Variants in MLPH observed in about 807,000 individuals in gnomAD.
MLPH encodes exophilin-3.
MLPH carries 51 observed loss-of-function variants against 72.1 expected under a neutral mutation model. The observed-to-expected ratio is 0.71, with a 90% CI of 0.56 to 0.89. MLPH has a LOEUF of 0.89. Ranked by LOEUF, MLPH falls within the 40% of genes least tolerant of loss-of-function variation. The probability of loss-of-function intolerance (pLI) is 0.00; values close to 1 mark genes in which losing one functional copy is unlikely to be tolerated. For synonymous variants in MLPH, 301 were observed against 310.1 expected (o/e 0.97, Z 0.31); for missense variants, 743 against 759.9 (o/e 0.98, Z 0.26).
intron 2 of MLPH, among the ~76,000 whole-genome samples, chr2:237,496,361 G>A (rs2079535811): frequency 6.6e-6 from 1 of 152,160 alleles, no homozygotes. Flanking sequence ...CTCCAGTCCA[G>A]GCTTATCTGA....
rs1036372508 is a variant in MLPH, at chr2:237,512,726, G to A, written c.445+1625G>A. ...CCCTAACAGGCTTAAGGATAGAAACGACACATAACACCGGGAAAAGCCATG... is the reference window on the plus strand; with the variant it reads ...CCCTAACAGGCTTAAGGATAGAAACAACACATAACACCGGGAAAAGCCATG... On this transcript the variant is annotated intron_variant, in intron 4 of 15. Transcript: ENST00000264605. The surrounding 1 kb of genome is among the most constrained non-coding windows in gnomAD (Gnocchi z 5.5). Among the ~76,000 whole-genome samples, 3 of 152,060 alleles carry A rather than the reference G, an allele frequency of 2.0e-5. No homozygotes were observed. The highest frequency in any genetic ancestry group is 7.3e-5 in the African/African-American group (3 of 41,378).
At chr2:237,490,605 A>C (rs2079410285) in intron 1 of MLPH, among the ~76,000 whole-genome samples, 1 of 152,228 alleles carries the variant, frequency 6.6e-6, no homozygotes, top group South Asian at 2.1e-4. Flanking sequence ...GGGAATGATA[A>C]TGCCTCAGCT....
chr2:237,525,899 C>T (rs751683897), intron 7 of MLPH, 94 bp downstream of exon 7: 24 of 1,247,476 alleles, frequency 1.9e-5, no homozygotes, highest in East Asian at 4.9e-5. Context: ...ATCCAACACA[C>T]GGGCTGATTT....
Position 237,527,530 on chromosome 2 carries a change from G to GAT in MLPH, c.1020+15_1020+16insTA, listed in dbSNP as rs2080331256. ...TCTGAGAGTCAGGTAACGGTGGCTG[G>GAT]AAAGACTTCTGTCTTGTCGTTTCTT... On this transcript the variant is annotated intron_variant, in intron 8 of 15. Coordinates refer to ENST00000264605, the MANE Select transcript of MLPH (RefSeq NM_024101.7). 5 of 1,613,974 alleles carry GAT rather than the reference G, an allele frequency of 3.1e-6. No individual in the cohort carries two copies. The highest frequency in any genetic ancestry group is 4.2e-6 in the Non-Finnish European group (5 of 1,180,038).
At chr2:237,531,887 T>A (rs1256916885) in intron 8 of MLPH, among the ~76,000 whole-genome samples, 1 of 152,094 alleles carries the variant, frequency 6.6e-6, no homozygotes, top group Non-Finnish European at 1.5e-5. Flanking sequence ...TCCAATCCTG[T>A]TTGGTCTTAA....
chr2:237,551,307 A>C (rs1479924613), intron 14 of MLPH, among the ~76,000 whole-genome samples: 1 of 152,282 alleles, frequency 6.6e-6, no homozygotes, highest in East Asian at 1.9e-4. Flanking sequence ...ACAGCACAAC[A>C]GGAGCACGCT....
chr2:237,552,129 A>G, intron 14 of MLPH: 1 of 543,138 alleles, frequency 1.8e-6, no homozygotes. Flanking sequence ...CCAGTGCCAG[A>G]GCAAAGGAGA....
At chr2:237,489,635 C>T (rs529807548) in intron 1 of MLPH, among the ~76,000 whole-genome samples, 109 of 152,282 alleles carry the variant, frequency 7.2e-4, no homozygotes, top group African/African-American at 2.2e-3. Flanking sequence ...TAACACCACA[C>T]GACACACCTT....
In MLPH at chr2:237,519,955, T is replaced by C. The variant is rs2106323824; in HGVS notation, c.601T>C (p.Ser201Pro). ...SVHDFDFEGD[S>P]DDSTQPQGHS... ...CCACGACTTCGACTTCGAGGGAGAC[T>C]CAGATGACTCCACTCAGCCTCAAGG... Residue 201 changes from serine (S) to proline (P), a missense_variant, in exon 6 of 16, where the codon TCA becomes CCA. Coordinates refer to ENST00000264605, the MANE Select transcript of MLPH (RefSeq NM_024101.7). The C allele has an allele frequency of 6.2e-7, 1 of 1,613,952 alleles. No homozygotes were observed. Among genetic ancestry groups the C allele is most frequent in the Non-Finnish European group, 8.5e-7 (1 of 1,179,988 alleles).
intron 9 of MLPH, among the ~76,000 whole-genome samples, chr2:237,539,736 C>G (rs1218565124): frequency 1.3e-5 from 2 of 152,144 alleles, no homozygotes; most frequent in Non-Finnish European, 2.9e-5. Context: ...CTATCACCAC[C>G]ATTTTAAAGC....
At chr2:237,539,766 AG>A (rs2080626632) in intron 9 of MLPH, among the ~76,000 whole-genome samples, 1 of 152,158 alleles carries the variant, frequency 6.6e-6, no homozygotes, top group African/African-American at 2.4e-5. Context: ...TGAGATGCAG[AG>A]GGGTTGAGTG....
At chr2:237,552,225 G>A in intron 14 of MLPH, 112 bp from the exon 15 acceptor site, 1 of 770,502 alleles carries the variant, frequency 1.3e-6, no homozygotes, top group South Asian at 1.5e-5. Flanking sequence ...CTTCTTAAAA[G>A]GGGATATGTC....
Position 237,510,134 on chromosome 2 carries a change from G to A in MLPH, c.111-440G>A, listed in dbSNP as rs917481491. 3.2e-5 allele frequency: 9 copies of A among 282,970 alleles called. No homozygotes were observed. Among genetic ancestry groups the A allele is most frequent in the South Asian group, 3.1e-4 (8 of 26,006 alleles). 17.5% of individuals were successfully genotyped at this position (282,970 alleles called of 1,614,324 possible). A position where few individuals can be genotyped will look rare whatever the true frequency, so the allele number is the denominator to read the frequency against. Reference sequence around the variant, plus strand: ...ACCGAGCCATTTCAGCTGCGCTCTAGAGGAGCAAACCTGGGGCGTTAGCTC... The same window carrying A: ...ACCGAGCCATTTCAGCTGCGCTCTAAAGGAGCAAACCTGGGGCGTTAGCTC... On this transcript the variant is annotated intron_variant, in intron 2 of 15. Coordinates refer to ENST00000264605, the MANE Select transcript of MLPH (RefSeq NM_024101.7). This position sits in a 1 kb window ranked among gnomAD's most constrained non-coding sequence, Gnocchi z 4.4.
chr2:237,518,130 GGAT>G, intron 4 of MLPH: 1 of 278,752 alleles, frequency 3.6e-6, no homozygotes, highest in Non-Finnish European at 6.6e-6. Flanking sequence ...ATGGAGGGAT[GGAT>G]GGATGGATGG....
At chr2:237,529,435 C>T (rs2080373578) in intron 8 of MLPH, among the ~76,000 whole-genome samples, 1 of 152,212 alleles carries the variant, frequency 6.6e-6, no homozygotes, top group Admixed American at 6.5e-5. Context: ...TAGACATTAA[C>T]TTATGAAATA....
At chr2:237,497,143 A>G (rs541969155) in intron 2 of MLPH, among the ~76,000 whole-genome samples, 101 of 152,284 alleles carry the variant, frequency 6.6e-4, no homozygotes, top group African/African-American at 2.4e-3. Flanking sequence ...ACAGACAACT[A>G]TGGGAGCTCT....
intron 1 of MLPH, among the ~76,000 whole-genome samples, chr2:237,489,487 T>C (rs1190188378): frequency 6.6e-6 from 1 of 152,114 alleles, no homozygotes; most frequent in Non-Finnish European, 1.5e-5. Flanking sequence ...TGGGGGTCAG[T>C]GCCTACTGAT....
intron 2 of MLPH, among the ~76,000 whole-genome samples, chr2:237,503,180 C>T (rs1249621751): frequency 6.6e-6 from 1 of 152,116 alleles, no homozygotes; most frequent in African/African-American, 2.4e-5. Context: ...AATTTGAAAT[C>T]ACCCTTAGCC....
chr2:237,506,090 A>C (rs2106487286), intron 2 of MLPH, among the ~76,000 whole-genome samples: 1 of 152,144 alleles, frequency 6.6e-6, no homozygotes, highest in Non-Finnish European at 1.5e-5. Context: ...CAGTTCTCAA[A>C]CCTTTGGGCC....
Sources: gnomAD v4.1 joint callset for allele counts (sites outside exome capture counted in the v4.1 genomes callset) on GRCh38, gnomAD v4.1.1 for gene constraint, Gnocchi (gnomAD v3.1) non-coding constraint, MANE v1.5 for transcripts, NCBI Gene and HGNC (gene_info 2026-07-23, HGNC 2026-07-21) for gene names.